Variants in BDKRB2 observed in about 807,000 individuals in gnomAD.
The protein encoded by BDKRB2 is bradykinin receptor B2.
In BDKRB2, 6 loss-of-function variants were observed where a neutral mutation model predicts 4.0. That is an observed-to-expected ratio of 1.49 (90% CI 0.81 to 2.93). The LOEUF (loss-of-function observed/expected upper bound fraction) is 2.93. BDKRB2 is among the 30% of genes most tolerant of loss of function. BDKRB2 has a pLI of 0.00. For synonymous variants in BDKRB2, 225 were observed against 215.3 expected, an observed-to-expected ratio of 1.05 and a Z score of -0.40; for missense variants, 478 against 520.1, an observed-to-expected ratio of 0.92 and a Z score of 0.79.
Position 96,239,554 on chromosome 14 carries a change from C to T in BDKRB2, c.75-849C>T, listed in dbSNP as rs879061581. ...AACAAACGGTGGTGTTGGAGTTTACCACTGGTTATTTTAATGGGTTTGCAA... is the reference window on the plus strand; with the variant it reads ...AACAAACGGTGGTGTTGGAGTTTACTACTGGTTATTTTAATGGGTTTGCAA... On this transcript the variant is annotated intron_variant, in intron 2 of 2. Coordinates refer to ENST00000554311, the MANE Select transcript of BDKRB2 (RefSeq NM_001379692.1). The T allele has an allele frequency of 4.1e-6, 4 of 985,198 alleles. No individual in the cohort carries two copies. The South Asian group carries it at 1.9e-4, about 46-fold the overall frequency. The allele number at this position is 985,198 out of a possible 1,614,324, so 61.0% of individuals were successfully genotyped here. A position where few individuals can be genotyped will look rare whatever the true frequency, so the allele number is the denominator to read the frequency against.
Position 96,242,583 on chromosome 14 carries a change from T to C in BDKRB2, c.*1079T>C, listed in dbSNP as rs1469220312. Reference sequence around the variant, plus strand: ...TGTCTGGCACACAGTAGGTGCTCATTGGCTCCCTTCCACCTGTCATTCCCA... The same window carrying C: ...TGTCTGGCACACAGTAGGTGCTCATCGGCTCCCTTCCACCTGTCATTCCCA... On this transcript the variant is annotated 3_prime_UTR_variant, in exon 3 of 3. Transcript: ENST00000554311. The C allele has an allele frequency of 6.6e-6, 1 of 152,276 alleles. No homozygotes were observed. The highest frequency in any genetic ancestry group is 1.5e-5 in the Non-Finnish European group (1 of 68,068). 9.4% of individuals were successfully genotyped at this position (152,276 alleles called of 1,614,324 possible). A position where few individuals can be genotyped will look rare whatever the true frequency, so the allele number is the denominator to read the frequency against.
At chr14:96,238,737 T>G in intron 2 of BDKRB2, 1 of 984,868 alleles carries the variant, frequency 1.0e-6, no homozygotes, top group Non-Finnish European at 1.2e-6. Flanking sequence ...AAAATGCTTC[T>G]TATCCTTCAA....
intron 1 of BDKRB2, among the ~76,000 whole-genome samples, chr14:96,224,438 TG>T (rs1326173184): frequency 6.6e-6 from 1 of 152,218 alleles, no homozygotes; most frequent in Non-Finnish European, 1.5e-5. Flanking sequence ...GGGGTTTCTC[TG>T]TAATGTGCTT....
Position 96,241,532 on chromosome 14 carries a change from T to C in BDKRB2, c.*28T>C, listed in dbSNP as rs1885293635. ...AAACGCCAGCAGGGCTGCTGTGAAT[T>C]TGTGTAAGGATTGAGGGACAGTTGC... On this transcript the variant is annotated 3_prime_UTR_variant, in exon 3 of 3. Transcript: ENST00000554311. 6.6e-7 allele frequency: 1 copy of C among 1,507,658 alleles called. No individual in the cohort carries two copies. The highest frequency in any genetic ancestry group is 8.8e-7 in the Non-Finnish European group (1 of 1,135,984). 93.4% of individuals were successfully genotyped at this position (1,507,658 alleles called of 1,614,324 possible).
chr14:96,222,121 A>G (rs1890579546), intron 1 of BDKRB2, among the ~76,000 whole-genome samples: 1 of 152,096 alleles, frequency 6.6e-6, no homozygotes, highest in Non-Finnish European at 1.5e-5. Flanking sequence ...AGGATGGCTC[A>G]CAGCATCAGG....
intron 1 of BDKRB2, among the ~76,000 whole-genome samples, chr14:96,225,116 G>A (rs2139782428): frequency 6.6e-6 from 1 of 152,302 alleles, no homozygotes; most frequent in Non-Finnish European, 1.5e-5. Context: ...GACTCAGTGT[G>A]CTGATCCCAT....
At chr14:96,233,165 C>G (rs1251047019) in intron 1 of BDKRB2, among the ~76,000 whole-genome samples, 1 of 152,140 alleles carries the variant, frequency 6.6e-6, no homozygotes, top group Non-Finnish European at 1.5e-5. Flanking sequence ...TAGTTAGGAC[C>G]AGGACTACAG....
intron 1 of BDKRB2, among the ~76,000 whole-genome samples, chr14:96,217,030 A>G (rs921638204): frequency 6.6e-6 from 1 of 152,236 alleles, no homozygotes; most frequent in Non-Finnish European, 1.5e-5. Flanking sequence ...CAAATTCACC[A>G]GAAACATTGC....
chr14:96,212,302 T>C (rs78259411), intron 1 of BDKRB2, among the ~76,000 whole-genome samples: 9,488 of 152,212 alleles, frequency 0.062, 394 homozygotes, highest in East Asian at 0.1. Context: ...CAACTAACTA[T>C]AAGAACACTG....
chr14:96,240,282 C>T (rs1022244948), intron 2 of BDKRB2, 121 bp from the exon 3 acceptor site: 39 of 1,340,990 alleles, frequency 2.9e-5, no homozygotes, highest in Non-Finnish European at 3.6e-5. Context: ...ACAGCCTGAG[C>T]TCCACCTCGG....
At chr14:96,206,986 C>T (rs926286694) in intron 1 of BDKRB2, among the ~76,000 whole-genome samples, 1 of 152,150 alleles carries the variant, frequency 6.6e-6, no homozygotes, top group African/African-American at 2.4e-5. Context: ...CACGCTCTCC[C>T]AGGCCTCCTT....
At chr14:96,230,656 C>T (rs1427353217) in intron 1 of BDKRB2, among the ~76,000 whole-genome samples, 1 of 149,208 alleles carries the variant, frequency 6.7e-6, no homozygotes, top group Non-Finnish European at 1.5e-5. Flanking sequence ...CTCGCTCCGT[C>T]ACCTAGGTTG....
intron 1 of BDKRB2, among the ~76,000 whole-genome samples, chr14:96,205,621 T>C (rs1595242827): frequency 6.6e-6 from 1 of 151,488 alleles, no homozygotes; most frequent in Non-Finnish European, 1.5e-5. Context: ...GGTGCAGGGG[T>C]TCCAAGCACC....
chr14:96,215,930 A>G (rs1183516005), intron 1 of BDKRB2, among the ~76,000 whole-genome samples: 3 of 152,234 alleles, frequency 2.0e-5, no homozygotes, highest in Non-Finnish European at 4.4e-5. Context: ...GCGCAGACAC[A>G]GAGCTATGAC....
In BDKRB2 at chr14:96,241,053, T is replaced by C; in HGVS notation, c.725T>C (p.Phe242Ser). ...CTGCTGCCCCTGAGTGTCATCACCT[T>C]CTGCACGATGCAGATCATGCAGGTG... ...GFLLPLSVIT[F>S]CTMQIMQVLR... The change falls in exon 3 of 3, where the codon TTC becomes TCC. Residue 242 changes from phenylalanine to serine, a missense_variant. Phe to Ser is a radical substitution (Grantham distance 155, BLOSUM62 -2). Coordinates refer to ENST00000554311, the MANE Select transcript of BDKRB2 (RefSeq NM_001379692.1). The C allele has an allele frequency of 6.2e-7, 1 of 1,613,560 alleles. No homozygotes were observed. The highest frequency in any genetic ancestry group is 1.3e-5 in the African/African-American group (1 of 75,046).
At chr14:96,207,581 G>A (rs1212839681) in intron 1 of BDKRB2, among the ~76,000 whole-genome samples, 1 of 152,168 alleles carries the variant, frequency 6.6e-6, no homozygotes, top group Non-Finnish European at 1.5e-5. Flanking sequence ...ATCACCAAGA[G>A]TGAACCCTGA....
At chr14:96,235,379 G>A (rs987248491) in intron 1 of BDKRB2, among the ~76,000 whole-genome samples, 2 of 143,122 alleles carry the variant, frequency 1.4e-5, no homozygotes, top group African/African-American at 2.6e-5. Flanking sequence ...AAAAAATTAC[G>A]CTTCAAACAC....
intron 1 of BDKRB2, among the ~76,000 whole-genome samples, chr14:96,235,862 C>A (rs1332011996): frequency 6.6e-6 from 1 of 152,148 alleles, no homozygotes; most frequent in Non-Finnish European, 1.5e-5. Context: ...CATGCATAGA[C>A]CACAGCTTTC....
Position 96,209,997 on chromosome 14 carries a change from A to AAAT in BDKRB2, c.-40+5057_-40+5059dup, listed in dbSNP as rs59871160. ...GGTGACAGAGCAAGACTCTATCTCAAAATAATAATAATAATAATAATCATC... is the reference window on the plus strand; with the variant it reads ...GGTGACAGAGCAAGACTCTATCTCAAAATAATAATAATAATAATAATAATCATC... On this transcript the variant is annotated intron_variant, in intron 1 of 2. Coordinates refer to ENST00000554311, the MANE Select transcript of BDKRB2 (RefSeq NM_001379692.1). Among the ~76,000 whole-genome samples, 532 of 144,554 alleles carry AAAT rather than the reference A, an allele frequency of 3.7e-3. 3 individuals carry two copies. The highest frequency in any genetic ancestry group is 0.012 in the African/African-American group (465 of 37,846). The allele number at this position is 144,554 out of a possible 152,430, so 94.8% of individuals were successfully genotyped here. A position where few individuals can be genotyped will look rare whatever the true frequency, so the allele number is the denominator to read the frequency against.
Sources: allele counts gnomAD v4.1 joint callset (sites outside exome capture counted in the v4.1 genomes callset), GRCh38; gene constraint gnomAD v4.1.1; transcripts MANE v1.5; gene names NCBI Gene and HGNC (gene_info 2026-07-23, HGNC 2026-07-21).